Variants in PDZD7 observed in about 807,000 individuals in gnomAD.
The protein encoded by PDZD7 is PDZ domain-containing protein 7.
In PDZD7, 72 loss-of-function variants were observed where a neutral mutation model predicts 84.7. The observed-to-expected ratio is 0.85, with a 90% CI of 0.70 to 1.03. PDZD7 has a LOEUF of 1.03. Ranked by LOEUF, PDZD7 falls within the 50% of genes least tolerant of loss-of-function variation. The pLI is 0.00. For synonymous variants in PDZD7, 594 were observed against 580.7 expected (o/e 1.02, Z -0.33); for missense variants, 1,490 against 1,412.9 (o/e 1.05, Z -0.87).
chr10:101,015,971 A>G (rs187528620), intron 10 of PDZD7, among the ~76,000 whole-genome samples, 160 bp from the exon 11 acceptor site: 38 of 152,268 alleles, frequency 2.5e-4, no homozygotes, highest in African/African-American at 8.2e-4. Flanking sequence ...CCACCAATGC[A>G]GCACAAACCC....
At chr10:101,027,810 T>C (rs1937808289) in intron 2 of PDZD7, among the ~76,000 whole-genome samples, 1 of 152,240 alleles carries the variant, frequency 6.6e-6, no homozygotes, top group Non-Finnish European at 1.5e-5. Flanking sequence ...CTCCAATATG[T>C]TGGACAGTGC....
chr10:101,009,464 C>A, intron 15 of PDZD7, 114 bp from the exon 16 acceptor site: 1 of 803,388 alleles, frequency 1.2e-6, no homozygotes, highest in Non-Finnish European at 2.1e-6. Context: ...CTCCCACATC[C>A]CTACATTCTG....
chr10:101,016,259 T>A (rs976419688), intron 10 of PDZD7, 118 bp downstream of exon 10: 1 of 1,014,540 alleles, frequency 9.9e-7, no homozygotes, highest in African/African-American at 1.6e-5. Context: ...AGCTGCCTGA[T>A]CCCCCATGCT....
In PDZD7 at chr10:101,022,331, G is replaced by A. The variant is rs377395095; in HGVS notation, c.597C>T (p.Ser199=). 27 of 1,614,056 alleles carry A rather than the reference G, an allele frequency of 1.7e-5. No homozygotes were observed. The highest frequency in any genetic ancestry group is 6.7e-5 in the Admixed American group (4 of 60,004). The change falls in exon 5 of 17, where the codon TCC becomes TCT. Residue 199 remains serine (S), a synonymous_variant. Transcript: ENST00000619208. ...GGACACCATCTTCTGAGCTGGTGTC[G>A]GAGGGTGTTGAACCGCACTTCTCCA... The part of the protein sequence containing the change: ...LVVEKCGSTP[S]DTSSEDGVRR...
At chr10:101,015,509 A>C in intron 11 of PDZD7, 127 bp downstream of exon 11, 1 of 1,124,026 alleles carries the variant, frequency 8.9e-7, no homozygotes. Context: ...GTGACTTCTG[A>C]TTTTACTGAC....
At position 101,010,712 on chromosome 10, in the gene PDZD7, G is replaced by A. The variant is rs1263580027; in HGVS notation, c.2177C>T (p.Thr726Ile). Reference protein sequence around the residue: ...PLQDVPVDAFTPLRIACTPPP... With the variant: ...PLQDVPVDAFIPLRIACTPPP... The stretch of plus-strand genomic sequence containing the variant: ...GGGTGTGCAGGCAATTCGGAGGGGG[G>A]TGAAGGCATCTACTGGCACGTCTTG... The change falls in exon 15 of 17, where the codon ACC becomes ATC. Residue 726 changes from threonine to isoleucine, a missense_variant. Physicochemically the swap from Thr to Ile is moderately conservative, Grantham distance 89. Transcript: ENST00000619208. The A allele has an allele frequency of 1.6e-6, 2 of 1,268,484 alleles. No homozygotes were observed. Among genetic ancestry groups the A allele is most frequent in the Non-Finnish European group, 2.1e-6 (2 of 967,310 alleles). The allele number at this position is 1,268,484 out of a possible 1,614,324, so 78.6% of individuals were successfully genotyped here. A position where few individuals can be genotyped will look rare whatever the true frequency, so the allele number is the denominator to read the frequency against.
At chr10:101,018,423 G>A in intron 8 of PDZD7, 127 bp from the exon 9 acceptor site, 3 of 1,005,440 alleles carry the variant, frequency 3.0e-6, no homozygotes, top group Non-Finnish European at 4.5e-6. Context: ...AGCTACGCCG[G>A]GGTGAGAGTG....
chr10:101,021,998 C>G, intron 5 of PDZD7, 53 bp from the exon 6 acceptor site: 1 of 1,603,668 alleles, frequency 6.2e-7, no homozygotes, highest in Non-Finnish European at 8.5e-7. Context: ...CCTCCGTTAC[C>G]CCACTCCAGA....
intron 9 of PDZD7, 54 bp from the exon 10 acceptor site, chr10:101,016,481 G>A: frequency 1.3e-6 from 2 of 1,525,278 alleles, no homozygotes; most frequent in Admixed American, 3.9e-5. Context: ...TCTGAAAATG[G>A]GGTTCAGGAG....
rs1368566007 is a variant in PDZD7, at chr10:101,012,274, G to A, written c.1750-16C>T. 6.5e-7 allele frequency: 1 copy of A among 1,543,212 alleles called. No homozygotes were observed. The highest frequency in any genetic ancestry group is 2.0e-5 in the Admixed American group (1 of 51,010). On this transcript the variant is annotated splice_polypyrimidine_tract_variant and intron_variant, in intron 11 of 16. Transcript: ENST00000619208. ...CGTGCACATACTGCAGATAGAGGCA[G>A]CACAGGTCAGACAGCAGTGGGGGCT...
intron 16 of PDZD7, 137 bp downstream of exon 16, chr10:101,009,113 C>G: frequency 1.2e-6 from 1 of 846,822 alleles, no homozygotes; most frequent in Non-Finnish European, 1.8e-6. Context: ...TCCTGCTCAC[C>G]TGAACCCCCT....
intron 11 of PDZD7, among the ~76,000 whole-genome samples, chr10:101,012,613 A>T (rs984257155): frequency 3.3e-5 from 5 of 152,086 alleles, no homozygotes; most frequent in African/African-American, 1.2e-4. Flanking sequence ...GAAGGACTTC[A>T]CTCAAAGCCA....
At chr10:101,011,831 G>T in intron 13 of PDZD7, 70 bp from the exon 14 acceptor site, 1 of 1,550,308 alleles carries the variant, frequency 6.5e-7, no homozygotes, top group Non-Finnish European at 8.7e-7. Flanking sequence ...CAGCTCAAGG[G>T]GCTCGGCAAT....
chr10:101,029,855 A>G, intron 2 of PDZD7, 139 bp downstream of exon 2: 1 of 855,226 alleles, frequency 1.2e-6, no homozygotes, highest in Non-Finnish European at 1.8e-6. Context: ...ATGGGTTCCC[A>G]GGCGGCCTGC....
intron 15 of PDZD7, 50 bp from the exon 16 acceptor site, chr10:101,009,400 G>A (rs1167674218): frequency 3.5e-6 from 5 of 1,430,794 alleles, no homozygotes; most frequent in Non-Finnish European, 4.8e-6. Flanking sequence ...ACCCCAAAAT[G>A]CAAGCTCCCT....
chr10:101,014,995 C>T (rs1469630538), intron 11 of PDZD7, among the ~76,000 whole-genome samples: 1 of 152,242 alleles, frequency 6.6e-6, no homozygotes, highest in East Asian at 1.9e-4. Flanking sequence ...ACCTGTGCCC[C>T]ACAGCCTCCC....
rs1852592273 is a variant in PDZD7, at chr10:101,015,762, G to A, written c.1623C>T (p.Ser541=). The change falls in exon 11 of 17, where the codon TCC becomes TCT. Residue 541 remains serine (S), a synonymous_variant. Coordinates refer to ENST00000619208, the MANE Select transcript of PDZD7 (RefSeq NM_001195263.2). The part of the protein sequence containing the change: ...ALLSARSGSP[S]SQLPNVDEQV... Reference sequence around the variant, plus strand: ...GCTCATCCACATTAGGCAGCTGGCTGGAGGGACTCCCAGACCTGGCAGACA... The same window carrying A: ...GCTCATCCACATTAGGCAGCTGGCTAGAGGGACTCCCAGACCTGGCAGACA... 5.8e-6 allele frequency: 9 copies of A among 1,549,950 alleles called. No homozygotes were observed. The highest frequency in any genetic ancestry group is 7.8e-6 in the Non-Finnish European group (9 of 1,146,940).
intron 2 of PDZD7, among the ~76,000 whole-genome samples, chr10:101,026,791 G>A (rs991455889): frequency 1.3e-5 from 2 of 151,886 alleles, no homozygotes; most frequent in African/African-American, 4.8e-5. Context: ...GGCAGCCTGG[G>A]GGGAGGGGTG....
In PDZD7 at chr10:101,019,120, C is replaced by T; in HGVS notation, c.1026G>A (p.Leu342=). ...GGCAGATGTCCATGCGGTCCGACGG[C>T]AGGGAGCCCGAGCTGTAGGGGGCGC... ...ASSAPYSSGS[L]PSDRMDICLG... The change falls in exon 8 of 17, where the codon CTG becomes CTA. Residue 342 remains leucine, a synonymous_variant. Transcript: ENST00000619208. 1 of 1,550,186 alleles carries T rather than the reference C, an allele frequency of 6.5e-7. No homozygotes were observed. The highest frequency in any genetic ancestry group is 8.7e-7 in the Non-Finnish European group (1 of 1,154,342).
Sources: gnomAD v4.1 joint callset for allele counts (sites outside exome capture counted in the v4.1 genomes callset) on GRCh38, gnomAD v4.1.1 for gene constraint, MANE v1.5 for transcripts, NCBI Gene and HGNC (gene_info 2026-07-23, HGNC 2026-07-21) for gene names.